Variants in SLC22A6 observed in about 807,000 individuals in gnomAD.
SLC22A6 encodes solute carrier family 22 member 6, also known as PAH transporter.
SLC22A6 carries 45 observed loss-of-function variants against 56.7 expected under a neutral mutation model. That is an observed-to-expected ratio of 0.79 (90% CI 0.63 to 1.02). The LOEUF is 1.02. Ranked by LOEUF, SLC22A6 falls within the 50% of genes least tolerant of loss-of-function variation. The pLI, the probability that SLC22A6 is intolerant of heterozygous loss-of-function variation, is 0.00. For synonymous variants in SLC22A6, 291 were observed against 295.9 expected (o/e 0.98, Z 0.17); for missense variants, 606 against 713.8 (o/e 0.85, Z 1.72).
Position 62,983,778 on chromosome 11 carries a change from A to G in SLC22A6, c.474-87T>C. The G allele has an allele frequency of 7.2e-7, 1 of 1,390,984 alleles. No homozygotes were observed. Among genetic ancestry groups the G allele is most frequent in the East Asian group, 2.4e-5 (1 of 42,076 alleles). The allele number at this position is 1,390,984 out of a possible 1,614,324, so 86.2% of individuals were successfully genotyped here. A position where few individuals can be genotyped will look rare whatever the true frequency, so the allele number is the denominator to read the frequency against. On this transcript the variant is annotated intron_variant, in intron 2 of 9. Transcript: ENST00000360421. The surrounding 1 kb of genome is among the most constrained non-coding windows in gnomAD (Gnocchi z 4.5). The stretch of plus-strand genomic sequence containing the variant: ...AGGAGAGGAGGGCTCACCCTGGATG[A>G]TGCCTGGGCTGGGGCCTTTTGAGGA...
rs761648281 is a variant in SLC22A6, at chr11:62,984,333, T to A, written c.358A>T (p.Ile120Phe). The A allele has an allele frequency of 6.2e-7, 1 of 1,612,750 alleles. No individual in the cohort carries two copies. Among genetic ancestry groups the A allele is most frequent in the Non-Finnish European group, 8.5e-7 (1 of 1,179,690 alleles). ...CCCCAGGTGCTCACCTCAGTCACGA[T>A]GGTAGATGGGAAGGTGCTGTTGTCA... is the stretch of plus-strand genomic sequence containing the variant. Reference protein sequence around the residue: ...IYDNSTFPSTIVTEWDLVCSH... With the variant: ...IYDNSTFPSTFVTEWDLVCSH... Residue 120 changes from isoleucine (I) to phenylalanine (F), a missense_variant, in exon 1 of 10, where the codon ATC (isoleucine) becomes TTC (phenylalanine). Ile to Phe is a conservative substitution (Grantham distance 21, BLOSUM62 0). Coordinates refer to ENST00000360421, the MANE Select transcript of SLC22A6 (RefSeq NM_153276.3).
chr11:62,979,161 C>T (rs545378220), intron 8 of SLC22A6, among the ~76,000 whole-genome samples: 16 of 152,230 alleles, frequency 1.1e-4, no homozygotes, highest in Admixed American at 8.5e-4. Context: ...GATGTGGTGG[C>T]AGCTTCTAAT....
chr11:62,983,138 G>A lies in SLC22A6; in HGVS notation c.628+399C>T, dbSNP rs1429871369. Among the ~76,000 whole-genome samples the A allele has an allele frequency of 3.3e-5, 5 of 151,782 alleles. No homozygotes were observed. The highest frequency in any genetic ancestry group is 3.9e-4 in the East Asian group (2 of 5,166). On this transcript the variant is annotated intron_variant, in intron 3 of 9. Coordinates refer to ENST00000360421, the MANE Select transcript of SLC22A6 (RefSeq NM_153276.3). This position sits in a 1 kb window ranked among gnomAD's most constrained non-coding sequence, Gnocchi z 4.5. Reference sequence around the variant, plus strand: ...CCGCTCACTGAAAGCTCCGCCTCCCGGGTTCACGCCATTCTCCTGCCTCAG... The same window carrying A: ...CCGCTCACTGAAAGCTCCGCCTCCCAGGTTCACGCCATTCTCCTGCCTCAG...
At chr11:62,981,520 C>G in intron 4 of SLC22A6, 137 bp from the exon 5 acceptor site, 1 of 648,416 alleles carries the variant, frequency 1.5e-6, no homozygotes, top group East Asian at 2.7e-5. Context: ...TGCCAAATCC[C>G]TCTCTCTAGG....
chr11:62,982,903 C>T (rs184630890), intron 3 of SLC22A6, among the ~76,000 whole-genome samples: 9 of 152,316 alleles, frequency 5.9e-5, no homozygotes, highest in African/African-American at 1.9e-4. Context: ...CCTAGGATCT[C>T]CTGCCTGGAG....
chr11:62,983,912 A>C lies in SLC22A6; in HGVS notation c.473+32T>G. The C allele has an allele frequency of 6.8e-7, 1 of 1,463,988 alleles. No individual in the cohort carries two copies. Among genetic ancestry groups the C allele is most frequent in the Non-Finnish European group, 9.5e-7 (1 of 1,051,120 alleles). The allele number at this position is 1,463,988 out of a possible 1,614,324, so 90.7% of individuals were successfully genotyped here. A position where few individuals can be genotyped will look rare whatever the true frequency, so the allele number is the denominator to read the frequency against. On this transcript the variant is annotated intron_variant, in intron 2 of 9. Coordinates refer to ENST00000360421, the MANE Select transcript of SLC22A6 (RefSeq NM_153276.3). The surrounding 1 kb of genome is among the most constrained non-coding windows in gnomAD (Gnocchi z 4.5). ...CCAGCTGAGCCCCTAATCCCAGCCC[A>C]GCCCAGCCCCTTGACCCTACCCAGG...
chr11:62,980,021 G>T (rs2086235884), intron 6 of SLC22A6, 73 bp from the exon 7 acceptor site: 2 of 1,054,078 alleles, frequency 1.9e-6, no homozygotes, highest in Admixed American at 1.8e-5. Context: ...AAAACAGTGG[G>T]GGAACTGCAT....
At position 62,984,461 on chromosome 11, in the gene SLC22A6, G is replaced by A. The variant is rs2086294571; in HGVS notation, c.230C>T (p.Ser77Phe). 6.2e-7 allele frequency: 1 copy of A among 1,613,800 alleles called. No individual in the cohort carries two copies. The highest frequency in any genetic ancestry group is 8.5e-7 in the Non-Finnish European group (1 of 1,179,988). The change falls in exon 1 of 10, where the codon TCC (serine) becomes TTC (phenylalanine). Residue 77 changes from serine (S) to phenylalanine (F), a missense_variant. Transcript: ENST00000360421. ...CTGCGGGGAGGTGAAGCGGAGGCAG[G>A]ACTCAGGCTGCCCCTGCCTGTCCCG... Reference protein sequence around the residue: ...LPRDRQGQPESCLRFTSPQWG... With the variant: ...LPRDRQGQPEFCLRFTSPQWG...
At position 62,981,387 on chromosome 11, in the gene SLC22A6, G is replaced by T; in HGVS notation, c.798-4C>A. The T allele has an allele frequency of 6.4e-7, 1 of 1,565,400 alleles. No homozygotes were observed. ...GCGGGCCGACTCAATGAAGAACCTG[G>T]GAGCGGGGGTGGGGGTGGGTGTCAG... On this transcript the variant is annotated splice_polypyrimidine_tract_variant and splice_region_variant and intron_variant, in intron 4 of 9. Coordinates refer to ENST00000360421, the MANE Select transcript of SLC22A6 (RefSeq NM_153276.3).
chr11:62,977,511 C>A, intron 8 of SLC22A6, 124 bp from the exon 9 acceptor site: 1 of 1,130,102 alleles, frequency 8.8e-7, no homozygotes, highest in South Asian at 1.6e-5. Context: ...CTCCTCTCTT[C>A]CCCATTTGAT....
chr11:62,982,913 G>A (rs1175493111), intron 3 of SLC22A6, among the ~76,000 whole-genome samples: 8 of 152,194 alleles, frequency 5.3e-5, no homozygotes, highest in Non-Finnish European at 1.2e-4. Flanking sequence ...CCTGCCTGGA[G>A]CAGCTGCATG....
chr11:62,979,173 T>A (rs2086223678), intron 8 of SLC22A6, among the ~76,000 whole-genome samples: 1 of 152,192 alleles, frequency 6.6e-6, no homozygotes, highest in Non-Finnish European at 1.5e-5. Flanking sequence ...GCTTCTAATT[T>A]GTGTTTTGGA....
intron 8 of SLC22A6, among the ~76,000 whole-genome samples, chr11:62,978,773 G>C (rs1000387451): frequency 1.3e-5 from 2 of 152,090 alleles, no homozygotes. Flanking sequence ...TGTATTTTTA[G>C]TAGAGACGGG....
In SLC22A6 at chr11:62,983,787, C is replaced by T. The variant is rs963829523; in HGVS notation, c.474-96G>A. 5.9e-6 allele frequency: 8 copies of T among 1,359,802 alleles called. No homozygotes were observed. The African/African-American group carries it at 1.2e-4, about 20-fold the overall frequency. 84.2% of individuals were successfully genotyped at this position (1,359,802 alleles called of 1,614,324 possible). The stretch of plus-strand genomic sequence containing the variant: ...GGGCTCACCCTGGATGATGCCTGGG[C>T]TGGGGCCTTTTGAGGACCTCTGAAG... On this transcript the variant is annotated intron_variant, in intron 2 of 9. Transcript: ENST00000360421. The surrounding 1 kb of genome is among the most constrained non-coding windows in gnomAD (Gnocchi z 4.5).
chr11:62,978,309 G>GTTTTAT (rs376556547), intron 8 of SLC22A6, among the ~76,000 whole-genome samples: 1 of 133,234 alleles, frequency 7.5e-6, no homozygotes, highest in Non-Finnish European at 1.6e-5. Context: ...TCCCATTCTT[G>GTTTTAT]TTTATTTTAT....
chr11:62,984,509 C>T lies in SLC22A6; in HGVS notation c.182G>A (p.Gly61Glu). The T allele has an allele frequency of 6.2e-7, 1 of 1,613,970 alleles. No individual in the cohort carries two copies. The highest frequency in any genetic ancestry group is 8.5e-7 in the Non-Finnish European group (1 of 1,179,964). ...CCGGGGCAGCCAGACCTCCAGCCCC[C>T]CGTTCTTGCTGAGGTTGGCATCGGC... Reference protein sequence around the residue: ...PPADANLSKNGGLEVWLPRDR... With the variant: ...PPADANLSKNEGLEVWLPRDR... Residue 61 changes from glycine (G) to glutamate (E), a missense_variant, in exon 1 of 10, where the codon GGG (glycine) becomes GAG (glutamate). By Grantham distance (98) the Gly-to-Glu change is moderately conservative (BLOSUM62 -2). Transcript: ENST00000360421.
rs1017249860 is a variant in SLC22A6, at chr11:62,983,070, A to T, written c.628+467T>A. On this transcript the variant is annotated intron_variant, in intron 3 of 9. Transcript: ENST00000360421. This position sits in a 1 kb window ranked among gnomAD's most constrained non-coding sequence, Gnocchi z 4.5. ...TGCTTTTTTTTTTTTTTTGAGACAGAGTCTCGCTCTATTGCCCAGGCTGGA... is the reference window on the plus strand; with the variant it reads ...TGCTTTTTTTTTTTTTTTGAGACAGTGTCTCGCTCTATTGCCCAGGCTGGA... Among the ~76,000 whole-genome samples, 3 of 149,718 alleles carry T rather than the reference A, an allele frequency of 2.0e-5. No individual in the cohort carries two copies. The highest frequency in any genetic ancestry group is 7.4e-5 in the African/African-American group (3 of 40,560).
chr11:62,984,965 G>A lies in SLC22A6; in HGVS notation c.-275C>T. 1 of 467,982 alleles carries A rather than the reference G, an allele frequency of 2.1e-6. No individual in the cohort carries two copies. Among genetic ancestry groups the A allele is most frequent in the Non-Finnish European group, 3.8e-6 (1 of 262,022 alleles). The allele number at this position is 467,982 out of a possible 1,614,324, so 29.0% of individuals were successfully genotyped here. On this transcript the variant is annotated 5_prime_UTR_variant, in exon 1 of 10. Transcript: ENST00000360421. ...CAGGGCAGCTCAGCTTTCAGGGTCT[G>A]CTGGAGACCTGACCCTTGCATGGGC...
chr11:62,984,151 C>G, intron 1 of SLC22A6, 104 bp from the exon 2 acceptor site: 1 of 1,190,858 alleles, frequency 8.4e-7, no homozygotes, highest in South Asian at 1.5e-5. Context: ...CCCTCTTCCT[C>G]CGGCACTTTG....
Sources: gnomAD v4.1 joint callset for allele counts (sites outside exome capture counted in the v4.1 genomes callset) on GRCh38, gnomAD v4.1.1 for gene constraint, Gnocchi (gnomAD v3.1) non-coding constraint, MANE v1.5 for transcripts, NCBI Gene and HGNC (gene_info 2026-07-23, HGNC 2026-07-21) for gene names.